Variants in COL28A1 observed in about 807,000 individuals in gnomAD.
The protein encoded by COL28A1 is collagen alpha-1(XXVIII) chain.
A neutral mutation model predicts 150.2 loss-of-function variants in COL28A1; 161 were observed. The ratio of observed to expected loss-of-function variants is 1.07; its 90% CI spans 0.94 to 1.22. The LOEUF (loss-of-function observed/expected upper bound fraction) is 1.22. Among genes scored for constraint, COL28A1 ranks in the 50% most tolerant of loss-of-function variants. The pLI, the probability that COL28A1 is intolerant of heterozygous loss-of-function variation, is 0.00. For missense variants in COL28A1, 1,617 were observed against 1,388.3 expected (o/e 1.16, Z -2.62); for synonymous variants, 552 against 469.7 (o/e 1.18, Z -2.26).
At chr7:7,358,899 T>C in intron 34 of COL28A1, 94 bp from the exon 35 acceptor site, 1 of 1,041,486 alleles carries the variant, frequency 9.6e-7, no homozygotes, top group Non-Finnish European at 1.4e-6. Flanking sequence ...TAAACTTTAT[T>C]CTTCATGCAC....
Position 7,381,547 on chromosome 7 carries a change from C to A in COL28A1, c.2202G>T (p.Gln734His), listed in dbSNP as rs766033847. ...TCTAAGATCCTGAGACACTTACCTT[C>A]TGGCCTGGGAGGCCATGGCCCATTG... ...KGTMGHGLPG[Q>H]KGEHGERGDV... The change falls in exon 28 of 35, where the codon CAG becomes CAT. Residue 734 changes from glutamine (Q) to histidine (H), a missense_variant. By Grantham distance (24) the Gln-to-His change is conservative. Transcript: ENST00000399429. The A allele has an allele frequency of 3.7e-6, 6 of 1,612,316 alleles. No individual in the cohort carries two copies. In the Admixed American group the frequency reaches 1.0e-4, roughly 27 times the overall value.
At chr7:7,532,681 C>T in intron 2 of COL28A1, 71 bp downstream of exon 2, 3 of 1,543,070 alleles carry the variant, frequency 1.9e-6, no homozygotes, top group South Asian at 1.2e-5. Flanking sequence ...ATATCAAATG[C>T]TATTTAGAAA....
the COL28A1 span, among the ~76,000 whole-genome samples, chr7:7,543,360 T>C: frequency 6.6e-6 from 1 of 152,254 alleles, no homozygotes; most frequent in Admixed American, 6.5e-5. Flanking sequence ...AATAATATAA[T>C]ACTTTTCAAA....
At chr7:7,427,219 C>A (rs750360203) in intron 25 of COL28A1, among the ~76,000 whole-genome samples, 12 of 152,144 alleles carry the variant, frequency 7.9e-5, no homozygotes, top group Non-Finnish European at 1.3e-4. Flanking sequence ...GAATAGTCAC[C>A]TTTTCCTGGT....
chr7:7,362,052 G>T (rs925793351), intron 33 of COL28A1, among the ~76,000 whole-genome samples: 2 of 152,152 alleles, frequency 1.3e-5, no homozygotes, highest in Admixed American at 1.3e-4. Flanking sequence ...CTAGGGCAAG[G>T]AAAGCATTAG....
At chr7:7,505,316 G>A (rs142427265) in intron 11 of COL28A1, among the ~76,000 whole-genome samples, 9 of 152,054 alleles carry the variant, frequency 5.9e-5, no homozygotes, top group African/African-American at 2.2e-4. Context: ...TCACTAAGTC[G>A]ACACCATTTA....
intron 27 of COL28A1, among the ~76,000 whole-genome samples, chr7:7,413,896 A>G (rs1583317327): frequency 6.6e-6 from 1 of 152,214 alleles, no homozygotes; most frequent in East Asian, 1.9e-4. Flanking sequence ...GAGCCAGTCC[A>G]CAAATCTACC....
chr7:7,387,294 G>T (rs1782247719), intron 27 of COL28A1, among the ~76,000 whole-genome samples: 1 of 151,878 alleles, frequency 6.6e-6, no homozygotes, highest in African/African-American at 2.4e-5. Context: ...CGGGTTTGCT[G>T]GAACACATAA....
rs6952195 is a variant in COL28A1 at position 7,474,604 on chromosome 7, C to G, written c.1299G>C (p.Glu433Asp). 0.22 allele frequency: 263,320 copies of G among 1,187,496 alleles called. 35,395 individuals are homozygous for G. Among genetic ancestry groups the G allele is most frequent in the African/African-American group, 0.59 (38,832 of 65,900 alleles). The allele number at this position is 1,187,496 out of a possible 1,614,324, so 73.6% of individuals were successfully genotyped here. A position where few individuals can be genotyped will look rare whatever the true frequency, so the allele number is the denominator to read the frequency against. ...TGTACACCCTATTATACAGTACCTT[C>G]TCCCCTTTGATTGACAGGCCTTGTA... ...QGLQGLSIKG[E>D]KGDIGPVGPQ... The change falls in exon 15 of 35, where the codon GAG (glutamate) becomes GAC (aspartate). Residue 433 changes from glutamate to aspartate, a missense_variant. Physicochemically the swap from Glu to Asp is conservative, Grantham distance 45. Coordinates refer to ENST00000399429, the MANE Select transcript of COL28A1 (RefSeq NM_001037763.3).
At position 7,370,895 on chromosome 7, in the gene COL28A1, A is replaced by G. The variant is rs537349160; in HGVS notation, c.2909-13T>C. 1.2e-5 allele frequency: 19 copies of G among 1,567,688 alleles called. 1 individual carries two copies. In the East Asian group the frequency reaches 3.1e-4, roughly 26 times the overall value. Reference sequence around the variant, plus strand: ...TGCTTCAGGGTGTCTTTTAAAAAAGAAGTAGAAAAGAGAGATAGTAGAAGC... The same window carrying G: ...TGCTTCAGGGTGTCTTTTAAAAAAGGAGTAGAAAAGAGAGATAGTAGAAGC... On this transcript the variant is annotated splice_polypyrimidine_tract_variant and intron_variant, in intron 32 of 34. Coordinates refer to ENST00000399429, the MANE Select transcript of COL28A1 (RefSeq NM_001037763.3).
intron 27 of COL28A1, among the ~76,000 whole-genome samples, chr7:7,414,014 A>G (rs1783930910): frequency 6.6e-6 from 1 of 152,182 alleles, no homozygotes; most frequent in Non-Finnish European, 1.5e-5. Context: ...TGATCAGGAC[A>G]CTGGAACGGA....
chr7:7,450,608 T>A (rs1301064173), intron 18 of COL28A1, among the ~76,000 whole-genome samples: 1 of 152,120 alleles, frequency 6.6e-6, no homozygotes, highest in African/African-American at 2.4e-5. Flanking sequence ...TGGACAAGAT[T>A]TTGGTAGTAT....
At chr7:7,462,448 G>A (rs545603196) in intron 15 of COL28A1, among the ~76,000 whole-genome samples, 1 of 152,314 alleles carries the variant, frequency 6.6e-6, no homozygotes, top group East Asian at 1.9e-4. Flanking sequence ...ACCAGAGAAA[G>A]GTGAAGCCCA....
chr7:7,431,415 T>C (rs1012344891), intron 25 of COL28A1: 4 of 411,792 alleles, frequency 9.7e-6, no homozygotes, highest in African/African-American at 8.3e-5. Flanking sequence ...TGATACACGC[T>C]ACATGGAAAA....
At chr7:7,407,024 G>A (rs1408381212) in intron 27 of COL28A1, among the ~76,000 whole-genome samples, 2 of 151,916 alleles carry the variant, frequency 1.3e-5, no homozygotes, top group African/African-American at 2.4e-5. Context: ...AATGAAAAAT[G>A]TAACTGAAAC....
chr7:7,518,458 A>G (rs1445764298), intron 6 of COL28A1, among the ~76,000 whole-genome samples: 1 of 152,148 alleles, frequency 6.6e-6, no homozygotes, highest in Non-Finnish European at 1.5e-5. Flanking sequence ...ATTGCCAAAA[A>G]TGCTTTTATG....
At chr7:7,393,215 C>A (rs1294034748) in intron 27 of COL28A1, among the ~76,000 whole-genome samples, 2 of 152,198 alleles carry the variant, frequency 1.3e-5, no homozygotes, top group Non-Finnish European at 2.9e-5. Context: ...ACAGTCTGGC[C>A]CCTCTGCTGC....
chr7:7,362,997 A>C (rs1277857939), intron 33 of COL28A1, among the ~76,000 whole-genome samples: 1 of 152,204 alleles, frequency 6.6e-6, no homozygotes, highest in Admixed American at 6.5e-5. Flanking sequence ...GGGGGAATAC[A>C]AAGCTATAAA....
In COL28A1 at chr7:7,474,631, T is replaced by C. The variant is rs780093645; in HGVS notation, c.1272A>G (p.Gly424=). 1.8e-5 allele frequency: 25 copies of C among 1,428,290 alleles called. No homozygotes were observed. The Middle Eastern group carries it at 8.8e-4, about 50-fold the overall frequency. 88.5% of individuals were successfully genotyped at this position (1,428,290 alleles called of 1,614,324 possible). A position where few individuals can be genotyped will look rare whatever the true frequency, so the allele number is the denominator to read the frequency against. The change falls in exon 15 of 35, where the codon GGA becomes GGG. Residue 424 remains glycine (G), a synonymous_variant. Transcript: ENST00000399429. ...CCCCTTTGATTGACAGGCCTTGTAA[T>C]CCCTGTGGGCCAGTTGGTCCTTCAG... The part of the protein sequence containing the change: ...KGSEGPTGPQ[G]LQGLSIKGEK...
Sources: allele counts gnomAD v4.1 joint callset (sites outside exome capture counted in the v4.1 genomes callset), GRCh38; gene constraint gnomAD v4.1.1; transcripts MANE v1.5; gene names NCBI Gene and HGNC (gene_info 2026-07-23, HGNC 2026-07-21).